The following PTPRG variants were observed in gnomAD, a reference collection of about 807,000 sequenced individuals.
PTPRG encodes receptor-type tyrosine-protein phosphatase gamma.
Under a neutral mutation model 165.3 loss-of-function variants are expected in PTPRG, and 102 were observed. The observed-to-expected ratio is 0.62, with a 90% CI of 0.53 to 0.73. The LOEUF is 0.73. Ranked by LOEUF, PTPRG falls within the 30% of genes least tolerant of loss-of-function variation. The pLI is 0.00. For synonymous variants in PTPRG, 675 were observed against 669.5 expected (o/e 1.01, Z -0.13); for missense variants, 1,866 against 1,861.4 (o/e 1.00, Z -0.05).
At chr3:61,932,701 G>A (rs558834783) in intron 2 of PTPRG, among the ~76,000 whole-genome samples, 1 of 152,314 alleles carries the variant, frequency 6.6e-6, no homozygotes, top group African/African-American at 2.4e-5. Flanking sequence ...AAGGGCAAAA[G>A]GTGGGTTTTG....
intron 1 of PTPRG, among the ~76,000 whole-genome samples, chr3:61,728,222 C>T (rs148985852): frequency 1.6e-4 from 25 of 152,234 alleles, no homozygotes; most frequent in Admixed American, 9.1e-4. Flanking sequence ...CTGCACACAC[C>T]CGTGCGACCT....
intron 1 of PTPRG, among the ~76,000 whole-genome samples, chr3:61,562,981 T>G (rs1699801757): frequency 6.6e-6 from 1 of 152,156 alleles, no homozygotes; most frequent in South Asian, 2.1e-4. Context: ...CGGGCAGCAC[T>G]TCGGTGCCGG....
At chr3:62,099,738 A>AAT (rs1396863305) in intron 5 of PTPRG, among the ~76,000 whole-genome samples, 8 of 151,200 alleles carry the variant, frequency 5.3e-5, no homozygotes, top group Admixed American at 1.3e-4. Flanking sequence ...CAAAGCATTT[A>AAT]ATATATATAT....
intron 2 of PTPRG, among the ~76,000 whole-genome samples, chr3:61,975,921 C>T (rs1377650434): frequency 6.6e-6 from 1 of 151,918 alleles, no homozygotes; most frequent in Non-Finnish European, 1.5e-5. Context: ...CCTTGTATAC[C>T]CCTATTTATT....
intron 5 of PTPRG, among the ~76,000 whole-genome samples, chr3:62,079,962 G>GACCCCATCCCACAGATGTAT (rs1382576307): frequency 6.6e-6 from 1 of 151,990 alleles, no homozygotes; most frequent in Non-Finnish European, 1.5e-5. Flanking sequence ...GTGGGATGGA[G>GACCCCATCCCACAGATGTAT]ACCCCATGGT....
Position 62,203,796 on chromosome 3 carries a change from C to T in PTPRG, c.2001C>T (p.Asp667=), listed in dbSNP as rs774685431. The T allele has an allele frequency of 1.9e-6, 3 of 1,613,524 alleles. No homozygotes were observed. The Admixed American group carries it at 5.0e-5, about 27-fold the overall frequency. The change falls in exon 12 of 30, where the codon GAC becomes GAT. Residue 667 remains aspartate, a synonymous_variant. Transcript: ENST00000474889. The surrounding 1 kb of genome is among the most constrained non-coding windows in gnomAD (Gnocchi z 6.4). Reference sequence around the variant, plus strand: ...GGAGGGATGCCGGCCCAGGCCTGGACCCCGACATGGTCACCTCCACCCAAG... The same window carrying T: ...GGAGGGATGCCGGCCCAGGCCTGGATCCCGACATGGTCACCTCCACCCAAG... ...GGRRDAGPGL[D]PDMVTSTQVP...
At chr3:61,612,555 G>C (rs182969366) in intron 1 of PTPRG, among the ~76,000 whole-genome samples, 1 of 152,300 alleles carries the variant, frequency 6.6e-6, no homozygotes, top group Admixed American at 6.5e-5. Context: ...GACTCTCTGA[G>C]AAGCTGTTAA....
intron 12 of PTPRG, among the ~76,000 whole-genome samples, chr3:62,207,745 A>AT (rs1379346701): frequency 6.6e-6 from 1 of 152,202 alleles, no homozygotes; most frequent in East Asian, 1.9e-4. Flanking sequence ...TGGCTTTAAT[A>AT]TATTATCTCC....
intron 1 of PTPRG, among the ~76,000 whole-genome samples, chr3:61,693,237 G>A (rs1371659990): frequency 1.2e-4 from 18 of 152,206 alleles, no homozygotes; most frequent in African/African-American, 3.1e-4. Context: ...TTTAATACCC[G>A]TCCAAAACTT....
intron 1 of PTPRG, among the ~76,000 whole-genome samples, chr3:61,684,237 G>A (rs1451237851): frequency 6.6e-6 from 1 of 152,120 alleles, no homozygotes; most frequent in Non-Finnish European, 1.5e-5. Flanking sequence ...TGCTGGTGGT[G>A]ATGGTGGGGG....
chr3:61,562,200 C>T lies in PTPRG; in HGVS notation c.-88C>T, dbSNP rs921460935. ...GGAGCGGGCGAGCCGGGGAAGCGCCCCGGCTTAGCGGAGGCTCGCACGGAG... is the reference window on the plus strand; with the variant it reads ...GGAGCGGGCGAGCCGGGGAAGCGCCTCGGCTTAGCGGAGGCTCGCACGGAG... On this transcript the variant is annotated 5_prime_UTR_variant, in exon 1 of 30. Coordinates refer to ENST00000474889, the MANE Select transcript of PTPRG (RefSeq NM_002841.4). 77 of 1,288,352 alleles carry T rather than the reference C, an allele frequency of 6.0e-5. No individual in the cohort carries two copies. The South Asian group carries it at 8.8e-4, about 15-fold the overall frequency. The allele number at this position is 1,288,352 out of a possible 1,614,324, so 79.8% of individuals were successfully genotyped here. A position where few individuals can be genotyped will look rare whatever the true frequency, so the allele number is the denominator to read the frequency against.
At chr3:62,253,113 G>T (rs1025276803) in intron 15 of PTPRG, among the ~76,000 whole-genome samples, 1 of 152,172 alleles carries the variant, frequency 6.6e-6, no homozygotes, top group Non-Finnish European at 1.5e-5. Context: ...ACAATAAGCA[G>T]TTAACCTGAA....
At chr3:61,665,747 G>A (rs953026980) in intron 1 of PTPRG, among the ~76,000 whole-genome samples, 6 of 152,112 alleles carry the variant, frequency 3.9e-5, no homozygotes, top group African/African-American at 1.4e-4. Flanking sequence ...AGGATCGCTT[G>A]AGCCCAGGAG....
At chr3:61,805,696 C>T (rs1368839518) in intron 2 of PTPRG, among the ~76,000 whole-genome samples, 1 of 152,112 alleles carries the variant, frequency 6.6e-6, no homozygotes, top group Non-Finnish European at 1.5e-5. Context: ...ATGAGCCACC[C>T]CACTGGGATG....
At chr3:61,786,582 A>C (rs1287669820) in intron 2 of PTPRG, among the ~76,000 whole-genome samples, 2 of 152,232 alleles carry the variant, frequency 1.3e-5, no homozygotes, top group African/African-American at 4.8e-5. Flanking sequence ...AAGAGGAAAG[A>C]AATCCACCCC....
chr3:62,279,992 C>T (rs1702373527), intron 26 of PTPRG, among the ~76,000 whole-genome samples: 1 of 151,998 alleles, frequency 6.6e-6, no homozygotes, highest in African/African-American at 2.4e-5. Flanking sequence ...AGTCTCCAAC[C>T]TATGCAACAA....
intron 1 of PTPRG, among the ~76,000 whole-genome samples, chr3:61,673,259 T>G (rs1040494994): frequency 3.9e-5 from 6 of 152,208 alleles, no homozygotes; most frequent in Admixed American, 2.0e-4. Flanking sequence ...TGAATCACAG[T>G]CTTTGCGCTT....
chr3:62,205,610 T>C (rs1700208655), intron 12 of PTPRG, among the ~76,000 whole-genome samples: 1 of 152,052 alleles, frequency 6.6e-6, no homozygotes, highest in South Asian at 2.1e-4. Context: ...CATGCAAAGA[T>C]CCAGGGAGGG....
At chr3:61,760,962 C>T (rs2033815256) in intron 2 of PTPRG, among the ~76,000 whole-genome samples, 1 of 152,130 alleles carries the variant, frequency 6.6e-6, no homozygotes, top group South Asian at 2.1e-4. Flanking sequence ...GCATAGTACT[C>T]CATGATGTAT....
Sources: gnomAD v4.1 joint callset for allele counts (sites outside exome capture counted in the v4.1 genomes callset) on GRCh38, gnomAD v4.1.1 for gene constraint, Gnocchi (gnomAD v3.1) non-coding constraint, MANE v1.5 for transcripts, NCBI Gene and HGNC (gene_info 2026-07-23, HGNC 2026-07-21) for gene names.